Variants in NTNG1 observed in about 807,000 individuals in gnomAD.
The protein encoded by NTNG1 is netrin-G1.
NTNG1 carries 16 observed loss-of-function variants against 54.0 expected under a neutral mutation model. The observed-to-expected ratio is 0.30, with a 90% CI of 0.20 to 0.45. The LOEUF (loss-of-function observed/expected upper bound fraction) is 0.45. Among genes scored for constraint, NTNG1 ranks in the 20% least tolerant of loss-of-function variants. The pLI is 1.00. For missense variants in NTNG1, 530 were observed against 678.7 expected, an observed-to-expected ratio of 0.78 and a Z score of 2.43; for synonymous variants, 255 against 263.1, an observed-to-expected ratio of 0.97 and a Z score of 0.30.
intron 5 of NTNG1, among the ~76,000 whole-genome samples, chr1:107,420,380 A>G (rs943512115): frequency 7.2e-5 from 11 of 152,122 alleles, no homozygotes; most frequent in Non-Finnish European, 1.2e-4. Context: ...CTATGCAGCC[A>G]TAATTTATCT....
intron 2 of NTNG1, among the ~76,000 whole-genome samples, chr1:107,264,506 A>G (rs1216093962): frequency 6.6e-6 from 1 of 152,208 alleles, no homozygotes; most frequent in Non-Finnish European, 1.5e-5. Context: ...TTAAAAGACT[A>G]TATATAGATT....
intron 5 of NTNG1, among the ~76,000 whole-genome samples, chr1:107,422,484 C>A (rs80047387): frequency 6.6e-6 from 1 of 152,008 alleles, no homozygotes; most frequent in Non-Finnish European, 1.5e-5. Context: ...GAGGTCCAGA[C>A]ACATTCCTGG....
At chr1:107,307,977 A>T (rs1666785757) in intron 2 of NTNG1, among the ~76,000 whole-genome samples, 1 of 151,662 alleles carries the variant, frequency 6.6e-6, no homozygotes, top group Non-Finnish European at 1.5e-5. Context: ...CCTTCAGAAT[A>T]TTCACAGCTC....
At chr1:107,430,487 C>A (rs1021214061) in intron 5 of NTNG1, among the ~76,000 whole-genome samples, 8 of 152,160 alleles carry the variant, frequency 5.3e-5, no homozygotes, top group Non-Finnish European at 1.0e-4. Context: ...TGTACACCTG[C>A]AAATGCTTCT....
chr1:107,242,698 T>A (rs551071206), intron 2 of NTNG1, among the ~76,000 whole-genome samples: 1 of 152,310 alleles, frequency 6.6e-6, no homozygotes, highest in African/African-American at 2.4e-5. Flanking sequence ...ATAGGAAGAC[T>A]TGCTTTGCTG....
At chr1:107,325,044 A>T in intron 3 of NTNG1, 122 bp downstream of exon 3, 1 of 998,326 alleles carries the variant, frequency 1.0e-6, no homozygotes, top group Non-Finnish European at 1.5e-6. Context: ...CAGGAACTCC[A>T]CTGTAGAAGT....
chr1:107,173,567 T>C (rs575307817), intron 2 of NTNG1, among the ~76,000 whole-genome samples: 14 of 152,258 alleles, frequency 9.2e-5, no homozygotes, highest in African/African-American at 3.4e-4. Flanking sequence ...CTCAATGCCT[T>C]AGAAGTGAAG....
At chr1:107,446,218 A>G (rs1480631835) in intron 7 of NTNG1, among the ~76,000 whole-genome samples, 4 of 152,122 alleles carry the variant, frequency 2.6e-5, no homozygotes, top group Admixed American at 6.6e-5. Flanking sequence ...TAGGGTTCCC[A>G]GAAACATAAG....
At chr1:107,276,305 AGCAACATTG>A (rs766869897) in intron 2 of NTNG1, among the ~76,000 whole-genome samples, 1 of 152,160 alleles carries the variant, frequency 6.6e-6, no homozygotes, top group Non-Finnish European at 1.5e-5. Context: ...ATCTCTTCAT[AGCAACATTG>A]TCTCACTTTT....
At chr1:107,407,942 T>A (rs953528523) in intron 5 of NTNG1, 7 of 708,954 alleles carry the variant, frequency 9.9e-6, no homozygotes, top group African/African-American at 8.6e-5. Context: ...TTCTGACTAC[T>A]CTTAACCAGT....
In NTNG1 at chr1:107,438,073, CT is replaced by C. The variant is rs531149003; in HGVS notation, c.1390+1275del. Among the ~76,000 whole-genome samples, 77 of 152,218 alleles carry C rather than the reference CT, an allele frequency of 5.1e-4. No individual in the cohort carries two copies. In the South Asian group the frequency reaches 9.4e-3, roughly 18 times the overall value. On this transcript the variant is annotated intron_variant, in intron 7 of 7. Coordinates refer to ENST00000370068, the MANE Select transcript of NTNG1 (RefSeq NM_001113226.3). ...TTCATGATGAATTCTATAATAATAA[CT>C]GTGTAGATCCAATTTCTATACAATA... is the stretch of plus-strand genomic sequence containing the variant.
chr1:107,433,407 G>A (rs567343042), intron 6 of NTNG1, among the ~76,000 whole-genome samples: 2 of 152,252 alleles, frequency 1.3e-5, no homozygotes, highest in East Asian at 1.9e-4. Context: ...TTAGCTGAGC[G>A]TGGTGGCCTG....
At chr1:107,215,841 T>G (rs922559569) in intron 2 of NTNG1, among the ~76,000 whole-genome samples, 9 of 152,068 alleles carry the variant, frequency 5.9e-5, no homozygotes, top group Non-Finnish European at 1.3e-4. Flanking sequence ...GTTTTTTTTT[T>G]GTAGAGGTCT....
chr1:107,408,511 C>T (rs1673591733), intron 5 of NTNG1: 1 of 152,200 alleles, frequency 6.6e-6, no homozygotes, highest in Non-Finnish European at 1.5e-5. Context: ...TTCCAGCTAT[C>T]ATGGGAGAAC....
intron 3 of NTNG1, among the ~76,000 whole-genome samples, chr1:107,365,067 G>C (rs941790000): frequency 3.9e-5 from 6 of 152,104 alleles, no homozygotes; most frequent in Non-Finnish European, 5.9e-5. Flanking sequence ...AATTTCACCT[G>C]TTACTTTTTT....
chr1:107,368,586 C>T (rs1251388309), intron 3 of NTNG1, among the ~76,000 whole-genome samples: 1 of 152,192 alleles, frequency 6.6e-6, no homozygotes, highest in African/African-American at 2.4e-5. Flanking sequence ...TAACAGTGAG[C>T]ACTCACTGAG....
chr1:107,292,079 C>T (rs1665642381), intron 2 of NTNG1, among the ~76,000 whole-genome samples: 1 of 152,062 alleles, frequency 6.6e-6, no homozygotes, highest in Non-Finnish European at 1.5e-5. Context: ...AACTGTTCCA[C>T]TACATTAGTT....
At chr1:107,461,091 G>A (rs1056354788) in intron 7 of NTNG1, among the ~76,000 whole-genome samples, 10 of 152,194 alleles carry the variant, frequency 6.6e-5, no homozygotes, top group East Asian at 1.9e-4. Context: ...TGTAAAAAGC[G>A]TGAATTCTAT....
intron 5 of NTNG1, chr1:107,409,852 T>A (rs1048999507): frequency 1.3e-5 from 2 of 152,116 alleles, no homozygotes; most frequent in African/African-American, 4.8e-5. Flanking sequence ...TCAAACGTGA[T>A]TGTATCTTCT....
Sources: gnomAD v4.1 joint callset for allele counts (sites outside exome capture counted in the v4.1 genomes callset) on GRCh38, gnomAD v4.1.1 for gene constraint, MANE v1.5 for transcripts, NCBI Gene and HGNC (gene_info 2026-07-23, HGNC 2026-07-21) for gene names.